CAPRIN1: variants seen among roughly 807,000 people sequenced by gnomAD.
CAPRIN1 encodes the protein cell cycle associated protein 1, also known as caprin-1.
Under a neutral mutation model 100.9 loss-of-function variants are expected in CAPRIN1, and 29 were observed. The observed-to-expected ratio is 0.29, with a 90% confidence interval of 0.21 to 0.39. The LOEUF (loss-of-function observed/expected upper bound fraction) is 0.39, where lower values mean the gene tolerates loss of function less well. Among genes scored for constraint, CAPRIN1 ranks in the 10% least tolerant of loss-of-function variants. The pLI is 1.00. For synonymous variants in CAPRIN1, 338 were observed against 307.5 expected (o/e 1.10, Z -1.04); for missense variants, 795 against 876.7 (o/e 0.91, Z 1.18).
chr11:34,066,363 TCA>T (rs1850693424), intron 2 of CAPRIN1, among the ~76,000 whole-genome samples: 1 of 152,128 alleles, frequency 6.6e-6, no homozygotes, highest in African/African-American at 2.4e-5. Flanking sequence ...AGACAGATTC[TCA>T]CTCTGTCACC....
chr11:34,090,710 T>C (rs770899738), intron 14 of CAPRIN1, 32 bp downstream of exon 14: 28 of 1,588,426 alleles, frequency 1.8e-5, no homozygotes, highest in Non-Finnish European at 1.4e-5. Context: ...AATTGCCTAG[T>C]ATGTAATATG....
intron 18 of CAPRIN1, 118 bp downstream of exon 18, chr11:34,097,879 G>A (rs751472337): frequency 2.5e-5 from 38 of 1,499,410 alleles, no homozygotes; most frequent in Non-Finnish European, 3.3e-5. Context: ...TTGTTGCTAG[G>A]GATTAAATGA....
intron 2 of CAPRIN1, among the ~76,000 whole-genome samples, chr11:34,054,431 A>ATTT (rs982906180): frequency 6.8e-6 from 1 of 146,516 alleles, no homozygotes; most frequent in Non-Finnish European, 1.5e-5. Context: ...ATCTTCTTAA[A>ATTT]TTTTTTTTTT....
chr11:34,085,588 G>C (rs1054194199), intron 9 of CAPRIN1, among the ~76,000 whole-genome samples: 1 of 152,108 alleles, frequency 6.6e-6, no homozygotes, highest in African/African-American at 2.4e-5. Flanking sequence ...TGGGTCACAA[G>C]GTCAGGAGTT....
At chr11:34,052,948 G>C (rs888489018) in intron 2 of CAPRIN1, 2 of 1,210,728 alleles carry the variant, frequency 1.7e-6, no homozygotes, top group South Asian at 1.9e-5. Context: ...GGGGCCTGTC[G>C]TCAGGACTTC....
intron 1 of CAPRIN1, 29 bp from the exon 2 acceptor site, chr11:34,052,392 T>C (rs1304900895): frequency 6.3e-7 from 1 of 1,586,654 alleles, no homozygotes; most frequent in Admixed American, 1.7e-5. Flanking sequence ...TTCCTCCCGC[T>C]TTTTCTTCTC....
At chr11:34,053,013 C>T in intron 2 of CAPRIN1, 1 of 1,046,044 alleles carries the variant, frequency 9.6e-7, no homozygotes. Context: ...GACGAGGGCC[C>T]AAAATGAAGA....
Position 34,090,517 on chromosome 11 carries a change from CT to C in CAPRIN1, c.1405-9del. 5 of 1,608,454 alleles carry C rather than the reference CT, an allele frequency of 3.1e-6. No homozygotes were observed. In the Middle Eastern group the frequency reaches 6.6e-4, roughly 213 times the overall value. On this transcript the variant is annotated splice_polypyrimidine_tract_variant and intron_variant, in intron 13 of 18. Coordinates refer to ENST00000341394, the MANE Select transcript of CAPRIN1 (RefSeq NM_005898.5). ...TTTACCGCTAAAGTGCATCTATTCA[CT>C]TTGTGTTTAGGCAACAATCTCTTTA...
chr11:34,055,631 C>T (rs957735057), intron 2 of CAPRIN1: 4 of 152,142 alleles, frequency 2.6e-5, no homozygotes, highest in Admixed American at 2.0e-4. Flanking sequence ...CGGGCCTCCC[C>T]TAAAGTCATA....
At chr11:34,084,834 TAGTA>T (rs1339250941) in intron 9 of CAPRIN1, among the ~76,000 whole-genome samples, 7 of 152,110 alleles carry the variant, frequency 4.6e-5, no homozygotes, top group African/African-American at 1.7e-4. Flanking sequence ...AATATTGACA[TAGTA>T]GGAAGAAGTT....
At chr11:34,064,057 C>T (rs1310828295) in intron 2 of CAPRIN1, among the ~76,000 whole-genome samples, 4 of 152,066 alleles carry the variant, frequency 2.6e-5, no homozygotes, top group East Asian at 1.9e-4. Flanking sequence ...TGTGAGCCAC[C>T]GCGCCTGGCC....
At chr11:34,071,669 T>C (rs1339009806) in intron 2 of CAPRIN1, 57 bp from the exon 3 acceptor site, 1 of 1,227,274 alleles carries the variant, frequency 8.1e-7, no homozygotes, top group Non-Finnish European at 1.2e-6. Flanking sequence ...TCAAGCATGC[T>C]TAAGCTGGTA....
chr11:34,059,140 T>C (rs571571684), intron 2 of CAPRIN1, among the ~76,000 whole-genome samples: 1 of 152,352 alleles, frequency 6.6e-6, no homozygotes, highest in Admixed American at 6.5e-5. Flanking sequence ...AAAGATAATT[T>C]ACTGAGTAGA....
chr11:34,085,000 T>C (rs1851110856), intron 9 of CAPRIN1, among the ~76,000 whole-genome samples: 1 of 152,062 alleles, frequency 6.6e-6, no homozygotes, highest in Non-Finnish European at 1.5e-5. Context: ...CACGAATTTT[T>C]GGAGCATCCT....
intron 2 of CAPRIN1, chr11:34,053,789 A>G (rs915309515): frequency 6.6e-6 from 1 of 152,242 alleles, no homozygotes; most frequent in Non-Finnish European, 1.5e-5. Flanking sequence ...CAGAGTGAAT[A>G]ATTAAAATGA....
At position 34,093,014 on chromosome 11, in the gene CAPRIN1, A is replaced by G. The variant is rs115461955; in HGVS notation, c.1705+958A>G. ...GTTGGGACTACAGGTGCTTACCGCC[A>G]TGGCTGGCTAATTTTTTTTTTTTTT... On this transcript the variant is annotated intron_variant, in intron 15 of 18. Coordinates refer to ENST00000341394, the MANE Select transcript of CAPRIN1 (RefSeq NM_005898.5). Among the ~76,000 whole-genome samples the G allele has an allele frequency of 7.7e-3, 1,148 of 149,390 alleles. 13 individuals carry two copies. Among genetic ancestry groups the G allele is most frequent in the African/African-American group, 0.027 (1,083 of 40,682 alleles).
At chr11:34,053,120 T>G (rs1850365618) in intron 2 of CAPRIN1, 2 of 997,458 alleles carry the variant, frequency 2.0e-6, no homozygotes, top group Non-Finnish European at 2.4e-6. Context: ...TCGGTTACCA[T>G]GCACTCGAGA....
At chr11:34,071,878 G>C in intron 3 of CAPRIN1, 23 bp from the exon 4 acceptor site, 1 of 1,604,920 alleles carries the variant, frequency 6.2e-7, no homozygotes, top group Non-Finnish European at 8.5e-7. Flanking sequence ...TTCCAGTAAA[G>C]TTTGGGTTCT....
At chr11:34,062,235 G>A (rs114553522) in intron 2 of CAPRIN1, among the ~76,000 whole-genome samples, 2,593 of 152,278 alleles carry the variant, frequency 0.017, 53 homozygotes, top group African/African-American at 0.059. Context: ...GAGACAGTCA[G>A]CTGCCTACCA....
Sources: gnomAD v4.1 joint callset for allele counts (sites outside exome capture counted in the v4.1 genomes callset) on GRCh38, gnomAD v4.1.1 for gene constraint, MANE v1.5 for transcripts, NCBI Gene and HGNC (gene_info 2026-07-23, HGNC 2026-07-21) for gene names.